Variants in PPFIA2 observed in about 807,000 individuals in gnomAD.
The protein encoded by PPFIA2 is PPFI scaffold protein A2, also known as liprin-alpha-2.
In PPFIA2, 46 loss-of-function variants were observed where a neutral mutation model predicts 175.5. That is an observed-to-expected ratio of 0.26 (90% CI 0.21 to 0.34). The LOEUF (loss-of-function observed/expected upper bound fraction) is 0.34, where lower values mean the gene tolerates loss of function less well. Among genes scored for constraint, PPFIA2 ranks in the 10% least tolerant of loss-of-function variants. PPFIA2 has a pLI of 1.00. For synonymous variants in PPFIA2, 568 were observed against 511.4 expected (o/e 1.11, Z -1.49); for missense variants, 1,179 against 1,506.1 (o/e 0.78, Z 3.60).
chr12:81,437,656 TTTTG>T (rs1052794239), intron 7 of PPFIA2, among the ~76,000 whole-genome samples: 20 of 152,144 alleles, frequency 1.3e-4, no homozygotes, highest in African/African-American at 3.4e-4. Context: ...CCACCAAACT[TTTTG>T]TTTGTTTGCC....
In PPFIA2 at chr12:81,707,921, A is replaced by T. The variant is rs11503532; in HGVS notation, c.250-31077T>A. 6.6e-3 allele frequency among the ~76,000 whole-genome samples: 1,000 copies of T among 150,610 alleles called. 7 individuals are homozygous for T. The highest frequency in any genetic ancestry group is 0.023 in the African/African-American group (951 of 41,040). ...ATCATTCTCAGTAAACTATCGCAAG[A>T]ACAAAAAACCAAACATCACATATTC... On this transcript the variant is annotated intron_variant, in intron 3 of 32. Transcript: ENST00000549396.
At chr12:81,509,857 C>T (rs1167412945) in intron 4 of PPFIA2, among the ~76,000 whole-genome samples, 1 of 152,090 alleles carries the variant, frequency 6.6e-6, no homozygotes, top group African/African-American at 2.4e-5. Context: ...AGAACTCAAC[C>T]TTGCCTTTCT....
chr12:81,449,524 G>A (rs571517181), intron 5 of PPFIA2, among the ~76,000 whole-genome samples: 2 of 150,474 alleles, frequency 1.3e-5, no homozygotes, highest in Non-Finnish European at 3.0e-5. Context: ...TGATTTTACA[G>A]TGAAAAGAGT....
chr12:81,352,557 T>C (rs965989715), intron 17 of PPFIA2, among the ~76,000 whole-genome samples: 2 of 151,880 alleles, frequency 1.3e-5, no homozygotes, highest in African/African-American at 4.8e-5. Flanking sequence ...ATCTTGGACC[T>C]TCCAGCCTCT....
chr12:81,281,501 T>C, intron 26 of PPFIA2, 51 bp from the exon 27 acceptor site: 3 of 1,266,188 alleles, frequency 2.4e-6, no homozygotes, highest in Non-Finnish European at 3.3e-6. Flanking sequence ...GATAAGATGG[T>C]AATTGGATAA....
chr12:81,387,861 T>G (rs138881456), intron 8 of PPFIA2, among the ~76,000 whole-genome samples: 1 of 152,102 alleles, frequency 6.6e-6, no homozygotes, highest in African/African-American at 2.4e-5. Flanking sequence ...AGTTGTGTAC[T>G]GTAGAAGTTC....
chr12:81,329,510 G>C (rs1016129076), intron 21 of PPFIA2, among the ~76,000 whole-genome samples: 35 of 152,198 alleles, frequency 2.3e-4, no homozygotes, highest in African/African-American at 7.2e-4. Context: ...TGTGTAAACA[G>C]TTTTGAACCA....
intron 4 of PPFIA2, among the ~76,000 whole-genome samples, chr12:81,490,650 A>T (rs1219163505): frequency 6.6e-6 from 1 of 151,940 alleles, no homozygotes; most frequent in Non-Finnish European, 1.5e-5. Context: ...CAACAACAAA[A>T]ATCTCTTCAT....
chr12:81,748,624 C>G (rs1438350987), intron 3 of PPFIA2, among the ~76,000 whole-genome samples: 1 of 144,656 alleles, frequency 6.9e-6, no homozygotes, highest in African/African-American at 2.4e-5. Context: ...GCTGACACAG[C>G]CAACCTTCAG....
chr12:81,276,236 A>T (rs898090227), intron 28 of PPFIA2, among the ~76,000 whole-genome samples: 21 of 152,162 alleles, frequency 1.4e-4, no homozygotes, highest in Admixed American at 2.0e-4. Flanking sequence ...GTGAACACAG[A>T]GTATGCAGTG....
chr12:81,404,403 A>C (rs2142869742), intron 8 of PPFIA2, among the ~76,000 whole-genome samples: 1 of 152,300 alleles, frequency 6.6e-6, no homozygotes, highest in South Asian at 2.1e-4. Flanking sequence ...TATACTACTA[A>C]TGACATAATT....
rs1049335398 is a variant in PPFIA2 at position 81,426,645 on chromosome 12, T to C, written c.645+13327A>G. On this transcript the variant is annotated intron_variant, in intron 7 of 32. Coordinates refer to ENST00000549396, the MANE Select transcript of PPFIA2 (RefSeq NM_003625.5). Reference sequence around the variant, plus strand: ...AATTAAAAAATTAAGTCAATTAATGTATATCTTTTTCATCCATCTTATTTA... The same window carrying C: ...AATTAAAAAATTAAGTCAATTAATGCATATCTTTTTCATCCATCTTATTTA... 2.0e-5 allele frequency among the ~76,000 whole-genome samples: 3 copies of C among 152,004 alleles called. No individual in the cohort carries two copies. In the East Asian group the frequency reaches 5.8e-4, roughly 29 times the overall value.
intron 4 of PPFIA2, among the ~76,000 whole-genome samples, chr12:81,608,118 C>T (rs2060516184): frequency 6.6e-6 from 1 of 152,064 alleles, no homozygotes; most frequent in African/African-American, 2.4e-5. Flanking sequence ...ATATTTTGAA[C>T]CAACCTTGCA....
chr12:81,676,726 T>A (rs2072584032), intron 4 of PPFIA2, 65 bp downstream of exon 4: 3 of 1,149,656 alleles, frequency 2.6e-6, no homozygotes, highest in Non-Finnish European at 3.6e-6. Context: ...AGCAATCAAC[T>A]GATAATCTGG....
At chr12:81,670,339 G>A (rs1372448288) in intron 4 of PPFIA2, among the ~76,000 whole-genome samples, 1 of 151,772 alleles carries the variant, frequency 6.6e-6, no homozygotes, top group African/African-American at 2.4e-5. Context: ...ACATTGCAGG[G>A]CCCACAAAAA....
intron 8 of PPFIA2, among the ~76,000 whole-genome samples, chr12:81,387,136 T>C (rs980721916): frequency 5.3e-5 from 8 of 152,018 alleles, no homozygotes; most frequent in Non-Finnish European, 8.8e-5. Flanking sequence ...CTTCTAACAC[T>C]TCTACAAGCA....
At chr12:81,335,538 T>C (rs2056970603) in intron 21 of PPFIA2, among the ~76,000 whole-genome samples, 2 of 151,480 alleles carry the variant, frequency 1.3e-5, no homozygotes, top group South Asian at 4.2e-4. Flanking sequence ...AGGTCAGGAG[T>C]TAAGAGACCA....
At chr12:81,611,614 T>C (rs976802637) in intron 4 of PPFIA2, among the ~76,000 whole-genome samples, 2 of 151,912 alleles carry the variant, frequency 1.3e-5, no homozygotes, top group Non-Finnish European at 1.5e-5. Flanking sequence ...GGACAGCATG[T>C]GGAAGGGTTT....
intron 4 of PPFIA2, among the ~76,000 whole-genome samples, chr12:81,593,434 T>C (rs975285332): frequency 6.6e-6 from 1 of 152,212 alleles, no homozygotes; most frequent in South Asian, 2.1e-4. Flanking sequence ...ACTGCCTATA[T>C]AGTTAAAAGA....
Sources: gnomAD v4.1 joint callset for allele counts (sites outside exome capture counted in the v4.1 genomes callset) on GRCh38, gnomAD v4.1.1 for gene constraint, MANE v1.5 for transcripts, NCBI Gene and HGNC (gene_info 2026-07-23, HGNC 2026-07-21) for gene names.